Variants in PNPLA1 observed in about 807,000 individuals in gnomAD.
PNPLA1 encodes the protein omega-hydroxyceramide transacylase.
A neutral mutation model predicts 51.7 loss-of-function variants in PNPLA1; 36 were observed. The observed-to-expected ratio is 0.70, with a 90% CI of 0.53 to 0.92. The LOEUF (loss-of-function observed/expected upper bound fraction) is 0.92. Among genes scored for constraint, PNPLA1 ranks in the 40% least tolerant of loss-of-function variants. The probability of loss-of-function intolerance (pLI) is 0.00; values close to 1 mark genes in which losing one functional copy is unlikely to be tolerated. For missense variants in PNPLA1, 658 were observed against 682.5 expected, an observed-to-expected ratio of 0.96 and a Z score of 0.40; for synonymous variants, 293 against 280.1, an observed-to-expected ratio of 1.05 and a Z score of -0.46.
rs546655281 is a variant in PNPLA1 at position 36,308,760 on chromosome 6, G to A, written c.1595+1048G>A. Among the ~76,000 whole-genome samples, 9 of 152,142 alleles carry A rather than the reference G, an allele frequency of 5.9e-5. No homozygotes were observed. In the South Asian group the frequency reaches 8.3e-4, roughly 14 times the overall value. On this transcript the variant is annotated intron_variant, in intron 8 of 8. Coordinates refer to ENST00000636260, the MANE Select transcript of PNPLA1 (RefSeq NM_001374623.1). ...CCCATGCATGTATACAAACAGACTC[G>A]CAAATTCAAAATGAGAGCCTCAGAT...
chr6:36,309,125 C>T (rs530682812), intron 8 of PNPLA1, among the ~76,000 whole-genome samples: 7 of 152,302 alleles, frequency 4.6e-5, no homozygotes, highest in South Asian at 2.1e-4. Context: ...GCTCACCCGG[C>T]GGCCAAAGGC....
intron 5 of PNPLA1, among the ~76,000 whole-genome samples, chr6:36,299,742 T>C (rs11754972): frequency 0.48 from 72,612 of 152,124 alleles, 19,102 homozygotes; most frequent in Non-Finnish European, 0.57. Context: ...TAATGACTAA[T>C]GACTTTGAGC....
intron 1 of PNPLA1, among the ~76,000 whole-genome samples, chr6:36,285,818 G>A (rs1770470106): frequency 6.6e-6 from 1 of 152,124 alleles, no homozygotes; most frequent in Non-Finnish European, 1.5e-5. Context: ...CCCCTTTGAT[G>A]ATTTTTCTAG....
intron 1 of PNPLA1, among the ~76,000 whole-genome samples, chr6:36,250,416 G>A (rs1769395372): frequency 6.6e-6 from 1 of 152,208 alleles, no homozygotes; most frequent in Admixed American, 6.5e-5. Context: ...GGTGCTGGGT[G>A]ACATTGCTGA....
intron 1 of PNPLA1, among the ~76,000 whole-genome samples, chr6:36,249,243 G>A (rs963818439): frequency 1.3e-5 from 2 of 152,180 alleles, no homozygotes; most frequent in Non-Finnish European, 2.9e-5. Context: ...CTGAGGCTCT[G>A]ACCTTACATT....
In PNPLA1 at chr6:36,313,125, G is replaced by A. The variant is rs1189205076; in HGVS notation, c.*1239G>A. 6.6e-6 allele frequency among the ~76,000 whole-genome samples: 1 copy of A among 152,178 alleles called. No homozygotes were observed. The highest frequency in any genetic ancestry group is 1.9e-4 in the East Asian group (1 of 5,202). ...CCCCGGGATTATGTGGTGCTGTGGT[G>A]TTGAGACAGGCTGCCCTGGAGTCCT... On this transcript the variant is annotated 3_prime_UTR_variant, in exon 9 of 9. Transcript: ENST00000636260.
chr6:36,248,560 C>T (rs898039321), intron 1 of PNPLA1, among the ~76,000 whole-genome samples: 4 of 150,680 alleles, frequency 2.7e-5, no homozygotes, highest in Non-Finnish European at 5.9e-5. Context: ...CTTGCTCTGT[C>T]GCCCAGGCTG....
Position 36,294,534 on chromosome 6 carries a change from C to T in PNPLA1, c.714+135C>T. On this transcript the variant is annotated intron_variant, in intron 4 of 8. Transcript: ENST00000636260. This position sits in a 1 kb window ranked among gnomAD's most constrained non-coding sequence, Gnocchi z 4.2. The stretch of plus-strand genomic sequence containing the variant: ...ATGGTCCTTTAAACTTCCTCCTAGA[C>T]CTGCATCCTGGCCTTGCTGCTAACT... 1.3e-6 allele frequency: 1 copy of T among 776,046 alleles called. No homozygotes were observed. The highest frequency in any genetic ancestry group is 2.1e-6 in the Non-Finnish European group (1 of 485,510). The allele number at this position is 776,046 out of a possible 1,614,324, so 48.1% of individuals were successfully genotyped here. A position where few individuals can be genotyped will look rare whatever the true frequency, so the allele number is the denominator to read the frequency against.
chr6:36,245,444 G>A (rs193187563), intron 1 of PNPLA1, among the ~76,000 whole-genome samples: 5 of 152,208 alleles, frequency 3.3e-5, no homozygotes, highest in East Asian at 3.9e-4. Context: ...TTACTCTCAG[G>A]GCTAGCTAGG....
At chr6:36,307,467 C>T (rs1771273261) in intron 7 of PNPLA1, 120 bp from the exon 8 acceptor site, 1 of 1,151,346 alleles carries the variant, frequency 8.7e-7, no homozygotes, top group African/African-American at 1.6e-5. Context: ...GAAATCCAAT[C>T]CTCAGCCAGG....
At chr6:36,278,459 G>A (rs1770177668) in intron 1 of PNPLA1, among the ~76,000 whole-genome samples, 2 of 152,328 alleles carry the variant, frequency 1.3e-5, no homozygotes, top group African/African-American at 4.8e-5. Context: ...TCATTTTGCA[G>A]ATAATTGTAT....
At chr6:36,276,286 C>T (rs1406086866) in intron 1 of PNPLA1, among the ~76,000 whole-genome samples, 1 of 152,134 alleles carries the variant, frequency 6.6e-6, no homozygotes, top group East Asian at 1.9e-4. Flanking sequence ...TTCTCAAGGC[C>T]ACTTCCCCAC....
chr6:36,307,597 G>A lies in PNPLA1; in HGVS notation c.1480G>A (p.Ala494Thr). The change falls in exon 8 of 9, where the codon GCT (alanine) becomes ACT (threonine). Residue 494 changes from alanine to threonine, a missense_variant. Ala to Thr is a moderately conservative substitution (Grantham distance 58). Coordinates refer to ENST00000636260, the MANE Select transcript of PNPLA1 (RefSeq NM_001374623.1). ...AATCTCTTTGCCTAGGGAGAGCCCT[G>A]CTGAAGACTCAAACTGGGTGAATAA... ...VSKPYVTESP[A>T]EDSNWVNKVF... 6.2e-7 allele frequency: 1 copy of A among 1,613,516 alleles called. No individual in the cohort carries two copies. Among genetic ancestry groups the A allele is most frequent in the Non-Finnish European group, 8.5e-7 (1 of 1,179,712 alleles).
rs1473600895 is a variant in PNPLA1, at chr6:36,291,453, C to T, written c.339C>T (p.Tyr113=). The T allele has an allele frequency of 7.4e-6, 12 of 1,614,032 alleles. No individual in the cohort carries two copies. The East Asian group carries it at 1.1e-4, about 15-fold the overall frequency. ...FLYRVLPEDS[Y]KVTTGKLHVS... Reference sequence around the variant, plus strand: ...ACCGGGTCCTGCCCGAGGACTCCTACAAGGTCACCACGGGGAAGCTCCATG... The same window carrying T: ...ACCGGGTCCTGCCCGAGGACTCCTATAAGGTCACCACGGGGAAGCTCCATG... Residue 113 remains tyrosine, a synonymous_variant, in exon 2 of 9, where the codon TAC becomes TAT. Transcript: ENST00000636260.
intron 1 of PNPLA1, among the ~76,000 whole-genome samples, chr6:36,261,260 C>A (rs1331153278): frequency 1.3e-5 from 2 of 152,226 alleles, no homozygotes; most frequent in Non-Finnish European, 2.9e-5. Flanking sequence ...AGAGCACTTG[C>A]AATGACCATC....
At chr6:36,259,135 C>A (rs1441644761) in intron 1 of PNPLA1, among the ~76,000 whole-genome samples, 1 of 152,140 alleles carries the variant, frequency 6.6e-6, no homozygotes, top group Non-Finnish European at 1.5e-5. Flanking sequence ...CTGGAACAGA[C>A]CCTCCTAGTG....
intron 1 of PNPLA1, among the ~76,000 whole-genome samples, chr6:36,272,753 G>A (rs984599457): frequency 6.6e-6 from 1 of 152,242 alleles, no homozygotes; most frequent in South Asian, 2.1e-4. Context: ...GCAGATAATA[G>A]CCCCCTCCCA....
Position 36,291,385 on chromosome 6 carries a change from TC to T in PNPLA1, c.275del (p.Pro92ArgfsTer8), listed in dbSNP as rs748240234. 2.0e-5 allele frequency: 33 copies of T among 1,614,002 alleles called. No homozygotes were observed. Among genetic ancestry groups the T allele is most frequent in the Non-Finnish European group, 2.8e-5 (33 of 1,180,030 alleles). ...GAAGAAATCCTTCCTGGGGCCCTTG[TC>T]CCCGTCCTGTAAGATGGTGCAGATG... ...EVKKSFLGPLSPSCKMVQMMR... is the reference protein window; with the variant it reads ...EVKKSFLGPLXPSCKMVQMMR... On this transcript the variant is annotated frameshift_variant, in exon 2 of 9. Transcript: ENST00000636260. LOFTEE classifies it high-confidence loss of function.
At position 36,294,903 on chromosome 6, in the gene PNPLA1, T is replaced by C. The variant is rs1202414203; in HGVS notation, c.715-461T>C. ...TATCTGGCCCTTTACAGAAAAGGCT[T>C]TGTGGGCAGTAGCTCATGTAATCCT... On this transcript the variant is annotated intron_variant, in intron 4 of 8. Coordinates refer to ENST00000636260, the MANE Select transcript of PNPLA1 (RefSeq NM_001374623.1). This position sits in a 1 kb window ranked among gnomAD's most constrained non-coding sequence, Gnocchi z 4.2. 6.6e-6 allele frequency among the ~76,000 whole-genome samples: 1 copy of C among 152,240 alleles called. No individual in the cohort carries two copies. Among genetic ancestry groups the C allele is most frequent in the Non-Finnish European group, 1.5e-5 (1 of 68,040 alleles).
Sources: gnomAD v4.1 joint callset for allele counts (sites outside exome capture counted in the v4.1 genomes callset) on GRCh38, gnomAD v4.1.1 for gene constraint, Gnocchi (gnomAD v3.1) non-coding constraint, MANE v1.5 for transcripts, NCBI Gene and HGNC (gene_info 2026-07-23, HGNC 2026-07-21) for gene names.